Variants in FARP2 observed in about 807,000 individuals in gnomAD.
FARP2 encodes the protein FERM, ARHGEF and pleckstrin domain-containing protein 2.
Under a neutral mutation model 130.5 loss-of-function variants are expected in FARP2, and 111 were observed. The observed-to-expected ratio is 0.85, with a 90% CI of 0.73 to 1.00. The LOEUF (loss-of-function observed/expected upper bound fraction) is 1.00, where lower values mean the gene tolerates loss of function less well. Ranked by LOEUF, FARP2 falls within the 50% of genes least tolerant of loss-of-function variation. The probability of loss-of-function intolerance (pLI) is 0.00; values close to 1 mark genes in which losing one functional copy is unlikely to be tolerated. For synonymous variants in FARP2, 504 were observed against 516.9 expected (o/e 0.98, Z 0.34); for missense variants, 1,385 against 1,346.3 (o/e 1.03, Z -0.45).
intron 17 of FARP2, among the ~76,000 whole-genome samples, chr2:241,464,919 C>G (rs563876995): frequency 1.3e-5 from 2 of 152,208 alleles, no homozygotes; most frequent in African/African-American, 4.8e-5. Context: ...AGAACAAGTT[C>G]CCTCCTCACC....
chr2:241,359,311 G>C (rs1482505784), intron 1 of FARP2, among the ~76,000 whole-genome samples: 3 of 152,168 alleles, frequency 2.0e-5, no homozygotes, highest in Non-Finnish European at 4.4e-5. Context: ...AGGATGCAGT[G>C]ATGAATCTTG....
At chr2:241,491,807 C>T (rs2064924156) in intron 24 of FARP2, 128 bp downstream of exon 24, 4 of 858,212 alleles carry the variant, frequency 4.7e-6, no homozygotes, top group East Asian at 5.7e-5. Flanking sequence ...CTGCCTCTTA[C>T]TCTCCCCTTG....
At chr2:241,381,531 T>A (rs2061663893) in intron 2 of FARP2, among the ~76,000 whole-genome samples, 2 of 152,084 alleles carry the variant, frequency 1.3e-5, no homozygotes, top group Non-Finnish European at 2.9e-5. Flanking sequence ...CTCAGAGCCC[T>A]CTTCTCCACA....
intron 14 of FARP2, among the ~76,000 whole-genome samples, chr2:241,458,930 C>A (rs1286549130): frequency 6.6e-6 from 1 of 152,200 alleles, no homozygotes; most frequent in Admixed American, 6.5e-5. Flanking sequence ...GAGCCATGCC[C>A]TTGAGGAGTT....
At chr2:241,440,629 G>A (rs2063357547) in intron 12 of FARP2, among the ~76,000 whole-genome samples, 2 of 152,168 alleles carry the variant, frequency 1.3e-5, no homozygotes, top group African/African-American at 4.8e-5. Context: ...GTGGATTGGT[G>A]TGTGTCCTAA....
rs775908482 is a variant in FARP2, at chr2:241,468,165, A to G, written c.1919A>G (p.His640Arg). 47 of 1,613,726 alleles carry G rather than the reference A, an allele frequency of 2.9e-5. No individual in the cohort carries two copies. The highest frequency in any genetic ancestry group is 3.3e-4 in the Middle Eastern group (2 of 6,082). The change falls in exon 18 of 27, where the codon CAT (histidine) becomes CGT (arginine). Residue 640 changes from histidine (H) to arginine (R), a missense_variant. His to Arg is a conservative substitution (Grantham distance 29, BLOSUM62 0). Coordinates refer to ENST00000264042, the MANE Select transcript of FARP2 (RefSeq NM_014808.4). ...LKEFTSYFQR[H>R]DEVLTELEKA... Reference sequence around the variant, plus strand: ...GAGTTTACCAGCTACTTCCAAAGACATGACGAGGTCCTAACAGAACTGGAA... The same window carrying G: ...GAGTTTACCAGCTACTTCCAAAGACGTGACGAGGTCCTAACAGAACTGGAA...
intron 8 of FARP2, among the ~76,000 whole-genome samples, chr2:241,426,820 G>A (rs1574801471): frequency 6.6e-6 from 1 of 152,090 alleles, no homozygotes; most frequent in Non-Finnish European, 1.5e-5. Flanking sequence ...GTCAAGTCAG[G>A]GTGCAGTAGA....
chr2:241,388,227 A>G (rs2061833617), intron 2 of FARP2, among the ~76,000 whole-genome samples: 1 of 152,260 alleles, frequency 6.6e-6, no homozygotes, highest in Admixed American at 6.5e-5. Context: ...GCATAAGGAT[A>G]GACTTATAGA....
rs756134003 is a variant in FARP2, at chr2:241,436,558, A to G, written c.1158+20A>G. On this transcript the variant is annotated intron_variant, in intron 12 of 26. Transcript: ENST00000264042. ...AAACAGGTTAGTCTCTTCCGGTTCA[A>G]CATGGGGGCAGTAGGAGTTCCCTGT... 6.2e-7 allele frequency: 1 copy of G among 1,609,026 alleles called. No individual in the cohort carries two copies. The highest frequency in any genetic ancestry group is 8.5e-7 in the Non-Finnish European group (1 of 1,175,290).
At chr2:241,442,295 T>C (rs2063406463) in intron 13 of FARP2, 1 of 456,568 alleles carries the variant, frequency 2.2e-6, no homozygotes, top group Admixed American at 2.4e-5. Context: ...AGCTCGGCCT[T>C]CCAGTTCTCT....
rs187224457 is a variant in FARP2, at chr2:241,450,944, T to G, written c.1412-5803T>G. ...TCCAGCCTGGGCAACAGAGCAAGACTGTCTAAAGAAAAATAAATATATATA... is the reference window on the plus strand; with the variant it reads ...TCCAGCCTGGGCAACAGAGCAAGACGGTCTAAAGAAAAATAAATATATATA... On this transcript the variant is annotated intron_variant, in intron 13 of 26. Transcript: ENST00000264042. Among the ~76,000 whole-genome samples the G allele has an allele frequency of 8.1e-4, 123 of 152,274 alleles. 1 individual carries two copies. Among genetic ancestry groups the G allele is most frequent in the African/African-American group, 2.8e-3 (115 of 41,564 alleles).
At chr2:241,384,107 G>A (rs1169917177) in intron 2 of FARP2, among the ~76,000 whole-genome samples, 7 of 151,364 alleles carry the variant, frequency 4.6e-5, no homozygotes, top group Admixed American at 2.6e-4. Context: ...TGACCTAGTG[G>A]AAGCCTTTGG....
Position 241,459,333 on chromosome 2 carries a change from T to C in FARP2, c.1587+2411T>C, listed in dbSNP as rs1300172329. Among the ~76,000 whole-genome samples, 1 of 152,174 alleles carries C rather than the reference T, an allele frequency of 6.6e-6. No homozygotes were observed. Among genetic ancestry groups the C allele is most frequent in the Non-Finnish European group, 1.5e-5 (1 of 68,026 alleles). ...GGCAAGGCCTGGCAGACCACTCTCCTGGGGAGCCAGGGTGACAGGGGTCTG... is the reference window on the plus strand; with the variant it reads ...GGCAAGGCCTGGCAGACCACTCTCCCGGGGAGCCAGGGTGACAGGGGTCTG... On this transcript the variant is annotated intron_variant, in intron 14 of 26. Coordinates refer to ENST00000264042, the MANE Select transcript of FARP2 (RefSeq NM_014808.4). This position sits in a 1 kb window ranked among gnomAD's most constrained non-coding sequence, Gnocchi z 5.3.
At position 241,462,570 on chromosome 2, in the gene FARP2, T is replaced by C. The variant is rs770969374; in HGVS notation, c.1635T>C (p.Ala545=). 1.9e-6 allele frequency: 3 copies of C among 1,614,044 alleles called. No individual in the cohort carries two copies. Among genetic ancestry groups the C allele is most frequent in the Admixed American group, 3.3e-5 (2 of 60,028 alleles). The change falls in exon 15 of 27, where the codon GCT becomes GCC. Residue 545 remains alanine, a synonymous_variant. Coordinates refer to ENST00000264042, the MANE Select transcript of FARP2 (RefSeq NM_014808.4). ...EAYFIVKEIL[A]TERTYLKDLE... Reference sequence around the variant, plus strand: ...ACTTCATAGTCAAAGAGATTCTCGCTACAGAACGAACATACCTCAAGGATT... The same window carrying C: ...ACTTCATAGTCAAAGAGATTCTCGCCACAGAACGAACATACCTCAAGGATT...
intron 5 of FARP2, among the ~76,000 whole-genome samples, chr2:241,407,934 T>C (rs2062406166): frequency 6.6e-6 from 1 of 152,244 alleles, no homozygotes; most frequent in South Asian, 2.1e-4. Flanking sequence ...ATTTTGCTCA[T>C]ATATACTTAT....
chr2:241,487,852 A>G lies in FARP2; in HGVS notation c.2422-2110A>G, dbSNP rs1262972407. Reference sequence around the variant, plus strand: ...AAGCTCCACCTCCCGGGTTCACGCCATTCTCCTACCTCAGCTTCCTGAGTA... The same window carrying G: ...AAGCTCCACCTCCCGGGTTCACGCCGTTCTCCTACCTCAGCTTCCTGAGTA... On this transcript the variant is annotated intron_variant, in intron 21 of 26. Coordinates refer to ENST00000264042, the MANE Select transcript of FARP2 (RefSeq NM_014808.4). 2.7e-4 allele frequency among the ~76,000 whole-genome samples: 36 copies of G among 132,736 alleles called. No individual in the cohort carries two copies. The Admixed American group carries it at 3.2e-3, about 12-fold the overall frequency. The allele number at this position is 132,736 out of a possible 152,430, so 87.1% of individuals were successfully genotyped here. A position where few individuals can be genotyped will look rare whatever the true frequency, so the allele number is the denominator to read the frequency against.
intron 12 of FARP2, among the ~76,000 whole-genome samples, chr2:241,437,639 CAT>C (rs1163987379): frequency 2.2e-5 from 3 of 133,534 alleles, no homozygotes; most frequent in Non-Finnish European, 4.9e-5. Flanking sequence ...CTGACATATA[CAT>C]ATATATATAT....
At chr2:241,493,983 G>C in intron 26 of FARP2, 25 bp from the exon 27 acceptor site, 1 of 1,330,000 alleles carries the variant, frequency 7.5e-7, no homozygotes, top group Non-Finnish European at 9.8e-7. Flanking sequence ...TGGCTCACTG[G>C]TCTGATGGCC....
intron 18 of FARP2, among the ~76,000 whole-genome samples, chr2:241,474,028 C>T (rs1406018574): frequency 2.6e-5 from 4 of 152,036 alleles, no homozygotes; most frequent in African/African-American, 4.8e-5. Flanking sequence ...AGCTGCAGGC[C>T]GGGCGCGGTG....
Sources: gnomAD v4.1 joint callset for allele counts (sites outside exome capture counted in the v4.1 genomes callset) on GRCh38, gnomAD v4.1.1 for gene constraint, Gnocchi (gnomAD v3.1) non-coding constraint, MANE v1.5 for transcripts, NCBI Gene and HGNC (gene_info 2026-07-23, HGNC 2026-07-21) for gene names.